The following FRMPD4 variants were observed in gnomAD, a reference collection of about 807,000 sequenced individuals.
FRMPD4 encodes the protein FERM and PDZ domain-containing protein 4.
In FRMPD4, 22 loss-of-function variants were observed where a neutral mutation model predicts 94.1. The observed-to-expected ratio is 0.23, with a 90% confidence interval of 0.17 to 0.33. The LOEUF is 0.33. Among genes scored for constraint, FRMPD4 ranks in the 10% least tolerant of loss-of-function variants. The pLI, the probability that FRMPD4 is intolerant of heterozygous loss-of-function variation, is 1.00. For missense variants in FRMPD4, 1,111 were observed against 1,339.9 expected (o/e 0.83, Z 2.67); for synonymous variants, 631 against 548.6 (o/e 1.15, Z -2.10).
intron 3 of FRMPD4, among the ~76,000 whole-genome samples, chrX:12,047,266 A>G (rs1323756097): frequency 1.8e-5 from 2 of 110,351 alleles, no homozygotes; most frequent in Non-Finnish European, 3.8e-5. Flanking sequence ...CACCACAAAC[A>G]TATAAGAAAA....
intron 2 of FRMPD4, among the ~76,000 whole-genome samples, chrX:12,567,160 T>G (rs138715269): frequency 8.9e-6 from 1 of 111,998 alleles, no homozygotes; most frequent in African/African-American, 3.2e-5. Context: ...CTGGTGATTT[T>G]CATTGTCTAA....
intron 1 of FRMPD4, among the ~76,000 whole-genome samples, chrX:12,168,476 C>A (rs757421011): frequency 9.0e-6 from 1 of 110,524 alleles, no homozygotes; most frequent in African/African-American, 3.3e-5. Flanking sequence ...AACACAAAAC[C>A]GCAAGAAAAT....
intron 1 of FRMPD4, among the ~76,000 whole-genome samples, chrX:11,857,361 A>G (rs1242580938): frequency 8.9e-6 from 1 of 111,792 alleles, no homozygotes; most frequent in East Asian, 2.8e-4. Context: ...AAGAAAAAAA[A>G]GAACTATAGA....
intron 3 of FRMPD4, among the ~76,000 whole-genome samples, chrX:11,944,112 G>A (rs895487547): frequency 4.4e-5 from 5 of 112,363 alleles, no homozygotes; most frequent in South Asian, 3.7e-4. Context: ...TTTACTGACC[G>A]CTGGTTTATG....
At chrX:12,712,650 AAAAT>A (rs1015530923) in intron 14 of FRMPD4, among the ~76,000 whole-genome samples, 5 of 112,447 alleles carry the variant, frequency 4.4e-5, no homozygotes, top group Non-Finnish European at 5.6e-5. Context: ...CAAATGTTTA[AAAAT>A]AAATATAGAA....
At chrX:12,205,106 A>G (rs1203725233) in intron 1 of FRMPD4, among the ~76,000 whole-genome samples, 1 of 110,067 alleles carries the variant, frequency 9.1e-6, no homozygotes, top group Non-Finnish European at 1.9e-5. Context: ...AAAAAAAAAA[A>G]AAAGGCTTTT....
intron 4 of FRMPD4, among the ~76,000 whole-genome samples, chrX:12,665,278 T>C (rs896323109): frequency 9.0e-6 from 1 of 110,905 alleles, no homozygotes; most frequent in African/African-American, 3.3e-5. Context: ...CCATCTCTAC[T>C]AAAAATACAA....
intron 1 of FRMPD4, among the ~76,000 whole-genome samples, chrX:12,184,361 A>G (rs1425978214): frequency 9.0e-6 from 1 of 111,608 alleles, no homozygotes; most frequent in Admixed American, 9.5e-5. Flanking sequence ...ATGGTAGACA[A>G]CCGTTGAGTT....
At chrX:11,924,524 TACAA>T (rs1246119257) in intron 3 of FRMPD4, among the ~76,000 whole-genome samples, 1 of 111,743 alleles carries the variant, frequency 8.9e-6, no homozygotes, top group Non-Finnish European at 1.9e-5. Context: ...TCAGATTACC[TACAA>T]AGGGAAGCCC....
At chrX:12,146,117 A>G (rs2055762672) in intron 1 of FRMPD4, among the ~76,000 whole-genome samples, 1 of 110,361 alleles carries the variant, frequency 9.1e-6, no homozygotes, top group Admixed American at 9.7e-5. Context: ...TAATCCCAAC[A>G]CTTTGGGAGG....
chrX:12,436,117 T>C (rs2057063711), intron 1 of FRMPD4, among the ~76,000 whole-genome samples: 1 of 110,887 alleles, frequency 9.0e-6, no homozygotes, highest in African/African-American at 3.3e-5. Flanking sequence ...GCAATTCTCG[T>C]GCGTCAGCCT....
intron 3 of FRMPD4, among the ~76,000 whole-genome samples, chrX:12,109,363 C>T (rs957189578): frequency 2.0e-3 from 220 of 112,080 alleles, no homozygotes; most frequent in Non-Finnish European, 2.9e-3. Context: ...TAAAGATGTT[C>T]TTTGAAACCA....
chrX:11,949,026 A>T (rs1339614164), intron 3 of FRMPD4, among the ~76,000 whole-genome samples: 1 of 112,182 alleles, frequency 8.9e-6, no homozygotes, highest in African/African-American at 3.2e-5. Flanking sequence ...GCTTAGCTAG[A>T]ATTTAATGAG....
intron 3 of FRMPD4, among the ~76,000 whole-genome samples, chrX:12,111,679 A>C (rs1161896206): frequency 1.8e-5 from 2 of 112,147 alleles, no homozygotes; most frequent in African/African-American, 6.5e-5. Context: ...CATCTGACAA[A>C]GGGCTGCTAT....
intron 1 of FRMPD4, among the ~76,000 whole-genome samples, chrX:12,180,937 T>C (rs1457858984): frequency 3.6e-5 from 4 of 112,491 alleles, no homozygotes; most frequent in Non-Finnish European, 7.5e-5. Context: ...GGCCAGGGCC[T>C]GACATTGGCC....
intron 7 of FRMPD4, among the ~76,000 whole-genome samples, chrX:12,688,409 G>A (rs1445233183): frequency 8.9e-6 from 1 of 112,371 alleles, no homozygotes; most frequent in East Asian, 2.8e-4. Flanking sequence ...CCTGAGGATT[G>A]CAGATGACAA....
At chrX:12,432,989 A>G (rs7877281) in intron 1 of FRMPD4, among the ~76,000 whole-genome samples, 3,548 of 112,686 alleles carry the variant, frequency 0.031, 145 homozygotes, top group African/African-American at 0.11. Flanking sequence ...TGAAAACAAT[A>G]TTCCAAAAAG....
chrX:12,263,323 A>G (rs1261397274), intron 1 of FRMPD4, among the ~76,000 whole-genome samples: 2 of 111,517 alleles, frequency 1.8e-5, no homozygotes, highest in Non-Finnish European at 3.8e-5. Flanking sequence ...GAGAGGTGAG[A>G]GTATGCCTGA....
rs2058960163 is a variant in FRMPD4, at chrX:12,589,218, A to G, written c.159-20503A>G. Among the ~76,000 whole-genome samples the G allele has an allele frequency of 2.7e-5, 3 of 111,914 alleles. No individual in the cohort carries two copies. In the South Asian group the frequency reaches 1.1e-3, roughly 42 times the overall value. The stretch of plus-strand genomic sequence containing the variant: ...TTTGTTTTAAATTAGGCTAATATTG[A>G]GCTTGATTTTTTCCTTTAGGCCAAA... On this transcript the variant is annotated intron_variant, in intron 2 of 16. Coordinates refer to ENST00000675598, the MANE Select transcript of FRMPD4 (RefSeq NM_001368397.1).
Sources: allele counts gnomAD v4.1 joint callset (sites outside exome capture counted in the v4.1 genomes callset), GRCh38; gene constraint gnomAD v4.1.1; transcripts MANE v1.5; gene names NCBI Gene and HGNC (gene_info 2026-07-23, HGNC 2026-07-21).